Variants in FHOD3 observed in about 807,000 individuals in gnomAD.
FHOD3 encodes the protein FH1/FH2 domain-containing protein 3.
FHOD3 carries 90 observed loss-of-function variants against 173.0 expected under a neutral mutation model. The observed-to-expected ratio is 0.52, with a 90% CI of 0.44 to 0.62. FHOD3 has a LOEUF of 0.62. FHOD3 is among the 20% of genes least tolerant of loss of function. The probability of loss-of-function intolerance (pLI) is 0.00; values close to 1 mark genes in which losing one functional copy is unlikely to be tolerated. For missense variants in FHOD3, 1,945 were observed against 2,034.7 expected, an observed-to-expected ratio of 0.96 and a Z score of 0.85; for synonymous variants, 828 against 823.0, an observed-to-expected ratio of 1.01 and a Z score of -0.10.
intron 5 of FHOD3, among the ~76,000 whole-genome samples, chr18:36,562,497 A>G (rs563111665): frequency 1.3e-5 from 2 of 152,364 alleles, no homozygotes; most frequent in Admixed American, 1.3e-4. Context: ...GTGTCTATCA[A>G]ACATGCAGCT....
chr18:36,507,496 T>TA lies in FHOD3; in HGVS notation c.406-4940dup, dbSNP rs1379702570. 3.9e-5 allele frequency among the ~76,000 whole-genome samples: 6 copies of TA among 152,202 alleles called. No homozygotes were observed. In the East Asian group the frequency reaches 9.6e-4, roughly 24 times the overall value. On this transcript the variant is annotated intron_variant, in intron 4 of 28. Transcript: ENST00000590592. ...AGGGATACTCAAACTGTATAGAACT[T>TA]AAGATACTTCAGAGCACTTGTCTTG...
intron 5 of FHOD3, among the ~76,000 whole-genome samples, chr18:36,514,014 C>CTTTTTTTTTTTTTTTTTTTTTTTTTTT (rs58493993): frequency 1.9e-5 from 2 of 104,640 alleles, no homozygotes; most frequent in Non-Finnish European, 1.9e-5. Flanking sequence ...TATTTCTATT[C>CTTTTTTTTTTTTTTTTTTTTTTTTTTT]TTTTTTTTTT....
chr18:36,581,490 G>A (rs2058849674), intron 6 of FHOD3, among the ~76,000 whole-genome samples: 1 of 152,192 alleles, frequency 6.6e-6, no homozygotes, highest in South Asian at 2.1e-4. Context: ...TGCTCTCCAG[G>A]TTAGCTTGCC....
rs140464680 is a variant in FHOD3, at chr18:36,569,538, A to C, written c.512-6913A>C. 5.8e-3 allele frequency among the ~76,000 whole-genome samples: 885 copies of C among 152,274 alleles called. 6 individuals are homozygous for C. Among genetic ancestry groups the C allele is most frequent in the African/African-American group, 0.02 (848 of 41,560 alleles). ...GTAATCAATAGAATTGACAGACTGAAAATCAGCAAGGCTATGAAGGAACTG... is the reference window on the plus strand; with the variant it reads ...GTAATCAATAGAATTGACAGACTGACAATCAGCAAGGCTATGAAGGAACTG... On this transcript the variant is annotated intron_variant, in intron 5 of 28. Coordinates refer to ENST00000590592, the MANE Select transcript of FHOD3 (RefSeq NM_001281740.3).
chr18:36,551,655 C>A (rs1457885350), intron 5 of FHOD3, among the ~76,000 whole-genome samples: 1 of 152,072 alleles, frequency 6.6e-6, no homozygotes, highest in Admixed American at 6.6e-5. Context: ...CTTTAATCCA[C>A]CTTGAATGAA....
chr18:36,350,328 A>T (rs1384979591), intron 1 of FHOD3, among the ~76,000 whole-genome samples: 2 of 152,146 alleles, frequency 1.3e-5, no homozygotes, highest in Non-Finnish European at 2.9e-5. Context: ...CTGGCCACAG[A>T]TTTACAGCCC....
chr18:36,369,498 CAT>C lies in FHOD3; in HGVS notation c.273-3174_273-3173del, dbSNP rs370203544. 3.6e-3 allele frequency among the ~76,000 whole-genome samples: 346 copies of C among 95,966 alleles called. 7 individuals carry two copies. Among genetic ancestry groups the C allele is most frequent in the Admixed American group, 0.013 (108 of 8,400 alleles). 63.0% of individuals were successfully genotyped at this position (95,966 alleles called of 152,430 possible). On this transcript the variant is annotated intron_variant, in intron 2 of 28. Coordinates refer to ENST00000590592, the MANE Select transcript of FHOD3 (RefSeq NM_001281740.3). Reference sequence around the variant, plus strand: ...ACACACACACACACACACACACACACATATATATAGAGAGAGAGAGAGAGAGA... The same window carrying C: ...ACACACACACACACACACACACACACATATATAGAGAGAGAGAGAGAGAGA...
intron 14 of FHOD3, among the ~76,000 whole-genome samples, chr18:36,670,533 T>C (rs897427649): frequency 4.6e-5 from 7 of 152,222 alleles, no homozygotes; most frequent in Admixed American, 4.6e-4. Context: ...AAGTGGTCTC[T>C]TTCTTAATAC....
At chr18:36,571,489 T>TTTG (rs901104827) in intron 5 of FHOD3, among the ~76,000 whole-genome samples, 1 of 152,214 alleles carries the variant, frequency 6.6e-6, no homozygotes, top group Non-Finnish European at 1.5e-5. Flanking sequence ...CCAGAAAGAT[T>TTTG]TTGTTGTTGT....
intron 9 of FHOD3, among the ~76,000 whole-genome samples, chr18:36,617,971 C>T (rs936505328): frequency 1.3e-5 from 2 of 152,026 alleles, no homozygotes; most frequent in Admixed American, 6.6e-5. Flanking sequence ...TTTTATTAGT[C>T]TGTTATGAAT....
At position 36,571,296 on chromosome 18, in the gene FHOD3, T is replaced by C. The variant is rs560285549; in HGVS notation, c.512-5155T>C. 5.3e-5 allele frequency among the ~76,000 whole-genome samples: 8 copies of C among 152,322 alleles called. No homozygotes were observed. The South Asian group carries it at 1.7e-3, about 32-fold the overall frequency. Reference sequence around the variant, plus strand: ...AGCTCCAAAGAATGTGAACTACTTATAATTTTGGCAAAAAATACCATCCCA... The same window carrying C: ...AGCTCCAAAGAATGTGAACTACTTACAATTTTGGCAAAAAATACCATCCCA... On this transcript the variant is annotated intron_variant, in intron 5 of 28. Transcript: ENST00000590592.
chr18:36,521,250 C>T (rs1182534732), intron 5 of FHOD3, among the ~76,000 whole-genome samples: 4 of 152,102 alleles, frequency 2.6e-5, no homozygotes, highest in Admixed American at 2.6e-4. Context: ...CTGTGATTTC[C>T]CCTGCCATTA....
chr18:36,721,352 G>A (rs1314097414), intron 19 of FHOD3, among the ~76,000 whole-genome samples: 1 of 152,166 alleles, frequency 6.6e-6, no homozygotes, highest in African/African-American at 2.4e-5. Context: ...ACACGTCACT[G>A]TGTTTTGGCC....
chr18:36,345,924 C>T (rs1374364319), intron 1 of FHOD3, among the ~76,000 whole-genome samples: 1 of 152,168 alleles, frequency 6.6e-6, no homozygotes, highest in Admixed American at 6.5e-5. Flanking sequence ...ATACCACTAC[C>T]GATTCTCAAG....
intron 1 of FHOD3, among the ~76,000 whole-genome samples, chr18:36,345,961 G>A (rs1404308931): frequency 1.3e-5 from 2 of 152,060 alleles, no homozygotes; most frequent in African/African-American, 4.8e-5. Flanking sequence ...GTTATCTTTC[G>A]GCATGCCAAT....
intron 9 of FHOD3, among the ~76,000 whole-genome samples, chr18:36,617,698 C>G (rs1050766844): frequency 9.3e-5 from 14 of 151,184 alleles, no homozygotes; most frequent in African/African-American, 3.4e-4. Context: ...TTCTCTAAGC[C>G]CTGGAAATGT....
intron 1 of FHOD3, among the ~76,000 whole-genome samples, chr18:36,306,070 T>G (rs532820995): frequency 6.6e-6 from 1 of 152,296 alleles, no homozygotes; most frequent in African/African-American, 2.4e-5. Context: ...AAACCTAGCT[T>G]TTAACCCTTC....
chr18:36,341,182 C>G (rs1206485697), intron 1 of FHOD3, among the ~76,000 whole-genome samples: 1 of 152,110 alleles, frequency 6.6e-6, no homozygotes, highest in Non-Finnish European at 1.5e-5. Context: ...AATAATAGTG[C>G]CATCCTCATA....
intron 20 of FHOD3, among the ~76,000 whole-genome samples, chr18:36,735,286 G>C (rs2041573445): frequency 6.6e-6 from 1 of 152,206 alleles, no homozygotes; most frequent in Non-Finnish European, 1.5e-5. Context: ...CCTGTCCACA[G>C]GTGCCCAGCT....
Sources: allele counts gnomAD v4.1 joint callset (sites outside exome capture counted in the v4.1 genomes callset), GRCh38; gene constraint gnomAD v4.1.1; transcripts MANE v1.5; gene names NCBI Gene and HGNC (gene_info 2026-07-23, HGNC 2026-07-21).